SLC24A2: variants seen among roughly 807,000 people sequenced by gnomAD.
SLC24A2 encodes solute carrier family 24 member 2.
SLC24A2 carries 36 observed loss-of-function variants against 62.0 expected under a neutral mutation model. The ratio of observed to expected loss-of-function variants is 0.58; its 90% CI spans 0.44 to 0.77. The LOEUF is 0.77. SLC24A2 is among the 30% of genes least tolerant of loss of function. SLC24A2 has a pLI of 0.00. For missense variants in SLC24A2, 846 were observed against 817.9 expected, an observed-to-expected ratio of 1.03 and a Z score of -0.42; for synonymous variants, 358 against 294.0, an observed-to-expected ratio of 1.22 and a Z score of -2.23.
chr9:20,003,933 G>A, the SLC24A2 span, among the ~76,000 whole-genome samples: 1 of 151,026 alleles, frequency 6.6e-6, no homozygotes, highest in Non-Finnish European at 1.5e-5. Flanking sequence ...TGACCATAAT[G>A]ATTACAACTG....
chr9:19,844,834 A>C, the SLC24A2 span, among the ~76,000 whole-genome samples: 1 of 151,926 alleles, frequency 6.6e-6, no homozygotes, highest in African/African-American at 2.4e-5. Flanking sequence ...GTAGGTGCAC[A>C]GCTTTATTTC....
In SLC24A2 at chr9:19,508,246, G is replaced by A. The variant is rs769739392; in HGVS notation, c.*7907C>T. The A allele has an allele frequency of 6.6e-6, 1 of 152,170 alleles. No individual in the cohort carries two copies. The highest frequency in any genetic ancestry group is 1.5e-5 in the Non-Finnish European group (1 of 68,048). The allele number at this position is 152,170 out of a possible 1,614,324, so 9.4% of individuals were successfully genotyped here. On this transcript the variant is annotated 3_prime_UTR_variant, in exon 11 of 11. Coordinates refer to ENST00000341998, the MANE Select transcript of SLC24A2 (RefSeq NM_020344.4). ...GGTTCAATAGCGCAATTCAGTAACTGAGGCTCCCTCTTCCGAATAGAGTCT... is the reference window on the plus strand; with the variant it reads ...GGTTCAATAGCGCAATTCAGTAACTAAGGCTCCCTCTTCCGAATAGAGTCT...
At chr9:19,921,135 T>C in the SLC24A2 span, among the ~76,000 whole-genome samples, 2 of 151,924 alleles carry the variant, frequency 1.3e-5, no homozygotes, top group Non-Finnish European at 1.5e-5. Context: ...GCACCTGTAG[T>C]AAATGGTTAC....
the SLC24A2 span, among the ~76,000 whole-genome samples, chr9:20,008,924 G>A: frequency 2.2e-4 from 34 of 152,302 alleles, no homozygotes; most frequent in African/African-American, 8.2e-4. Flanking sequence ...ACTGGCAACT[G>A]TCCACAGGCA....
the SLC24A2 span, among the ~76,000 whole-genome samples, chr9:20,159,822 T>C: frequency 6.6e-6 from 1 of 151,540 alleles, no homozygotes; most frequent in African/African-American, 2.4e-5. Flanking sequence ...GTATTTTGTA[T>C]TTGATAAATA....
the SLC24A2 span, among the ~76,000 whole-genome samples, chr9:20,108,722 T>C: frequency 1.4e-4 from 20 of 142,546 alleles, no homozygotes; most frequent in Admixed American, 2.1e-4. Flanking sequence ...GGGGGAGGGA[T>C]AGCATTAGGA....
chr9:19,540,272 C>A (rs1011414787), intron 8 of SLC24A2, among the ~76,000 whole-genome samples: 6 of 139,790 alleles, frequency 4.3e-5, no homozygotes, highest in Admixed American at 2.1e-4. Context: ...TGATTTTGCT[C>A]GTTAGTTGAT....
At chr9:20,137,699 G>A in the SLC24A2 span, among the ~76,000 whole-genome samples, 4 of 152,012 alleles carry the variant, frequency 2.6e-5, no homozygotes, top group African/African-American at 4.8e-5. Context: ...TTACTACACC[G>A]CTCAATAAAT....
At chr9:19,992,827 G>A in the SLC24A2 span, among the ~76,000 whole-genome samples, 1 of 152,158 alleles carries the variant, frequency 6.6e-6, no homozygotes, top group African/African-American at 2.4e-5. Context: ...AACCCACAAG[G>A]GTGTGAATGT....
chr9:19,551,107 G>A (rs1027632167), intron 7 of SLC24A2, among the ~76,000 whole-genome samples: 1 of 152,218 alleles, frequency 6.6e-6, no homozygotes, highest in Middle Eastern at 3.4e-3. Context: ...CCCATTGACC[G>A]ACCTCTCTTC....
At chr9:20,119,566 A>G in the SLC24A2 span, among the ~76,000 whole-genome samples, 6 of 152,182 alleles carry the variant, frequency 3.9e-5, no homozygotes, top group Admixed American at 1.3e-4. Flanking sequence ...CACTTCCATG[A>G]TAAACACTCT....
At chr9:19,756,419 TA>T (rs1298800532) in intron 2 of SLC24A2, among the ~76,000 whole-genome samples, 1 of 152,232 alleles carries the variant, frequency 6.6e-6, no homozygotes, top group African/African-American at 2.4e-5. Context: ...ATTCAAAGCT[TA>T]GCTATTGATA....
the SLC24A2 span, among the ~76,000 whole-genome samples, chr9:20,207,418 A>G: frequency 6.6e-6 from 1 of 152,198 alleles, no homozygotes; most frequent in Non-Finnish European, 1.5e-5. Context: ...TAGTACTCAG[A>G]GTTCATTCAC....
the SLC24A2 span, among the ~76,000 whole-genome samples, chr9:19,936,913 G>A: frequency 6.6e-6 from 1 of 152,148 alleles, no homozygotes; most frequent in African/African-American, 2.4e-5. Context: ...ATGGGGTGGA[G>A]GCAGAGAGCA....
At chr9:20,282,203 C>G in the SLC24A2 span, among the ~76,000 whole-genome samples, 1 of 152,166 alleles carries the variant, frequency 6.6e-6, no homozygotes, top group South Asian at 2.1e-4. Flanking sequence ...GTGCCAACTA[C>G]AAATTCCAGT....
chr9:19,988,293 G>T, the SLC24A2 span, among the ~76,000 whole-genome samples: 1 of 152,156 alleles, frequency 6.6e-6, no homozygotes, highest in Admixed American at 6.5e-5. Context: ...CACAGCCCCA[G>T]ATGGTCAGTC....
At chr9:20,269,791 T>C in the SLC24A2 span, among the ~76,000 whole-genome samples, 195 of 152,328 alleles carry the variant, frequency 1.3e-3, 1 homozygote, top group African/African-American at 4.4e-3. Context: ...TTCCTTTTGT[T>C]TTTTATCTTC....
chr9:19,901,304 A>G, the SLC24A2 span, among the ~76,000 whole-genome samples: 2 of 152,216 alleles, frequency 1.3e-5, no homozygotes, highest in Non-Finnish European at 2.9e-5. Flanking sequence ...GGGATGCTGT[A>G]CACAGTAGGC....
chr9:20,016,455 T>A, the SLC24A2 span, among the ~76,000 whole-genome samples: 1 of 152,196 alleles, frequency 6.6e-6, no homozygotes, highest in Non-Finnish European at 1.5e-5. Flanking sequence ...CCTAAGTGAT[T>A]TCCTGAGTAT....
Sources: gnomAD v4.1 joint callset for allele counts (sites outside exome capture counted in the v4.1 genomes callset) on GRCh38, gnomAD v4.1.1 for gene constraint, MANE v1.5 for transcripts, NCBI Gene and HGNC (gene_info 2026-07-23, HGNC 2026-07-21) for gene names.